The following CNTNAP4 variants were observed in gnomAD, a reference collection of about 807,000 sequenced individuals.
CNTNAP4 encodes contactin associated protein family member 4, also known as contactin-associated protein-like 4.
Under a neutral mutation model 148.4 loss-of-function variants are expected in CNTNAP4, and 98 were observed. The observed-to-expected ratio is 0.66, with a 90% confidence interval of 0.56 to 0.78. The LOEUF is 0.78. Ranked by LOEUF, CNTNAP4 falls within the 30% of genes least tolerant of loss-of-function variation. CNTNAP4 has a pLI of 0.00. For missense variants in CNTNAP4, 1,935 were observed against 1,565.6 expected (o/e 1.24, Z -3.98); for synonymous variants, 730 against 565.1 (o/e 1.29, Z -4.14).
chr16:76,555,877 A>C (rs35031793), intron 23 of CNTNAP4, among the ~76,000 whole-genome samples: 41,427 of 151,886 alleles, frequency 0.27, 5,691 homozygotes, highest in South Asian at 0.34. Flanking sequence ...CAGAGACTAA[A>C]CTTCAGAAGC....
chr16:76,347,281 G>A lies in CNTNAP4; in HGVS notation c.197-8037G>A, dbSNP rs997919301. The stretch of plus-strand genomic sequence containing the variant: ...ACAGTTCCAGCTTTTTCAGTAGGTT[G>A]TATAAATTTAGACCATGTTATACCC... On this transcript the variant is annotated intron_variant, in intron 2 of 23. Coordinates refer to ENST00000611870, the MANE Select transcript of CNTNAP4 (RefSeq NM_033401.5). Among the ~76,000 whole-genome samples, 3 of 151,976 alleles carry A rather than the reference G, an allele frequency of 2.0e-5. No homozygotes were observed. The South Asian group carries it at 6.2e-4, about 32-fold the overall frequency.
chr16:76,418,940 C>T (rs747292126), intron 3 of CNTNAP4, among the ~76,000 whole-genome samples: 1 of 151,908 alleles, frequency 6.6e-6, no homozygotes, highest in Non-Finnish European at 1.5e-5. Flanking sequence ...ATTTCTATTC[C>T]TCCTTTTGAC....
At chr16:76,452,462 G>C (rs1329660871) in intron 7 of CNTNAP4, 46 bp from the exon 8 acceptor site, 1 of 1,589,774 alleles carries the variant, frequency 6.3e-7, no homozygotes, top group Admixed American at 1.7e-5. Flanking sequence ...TTACTAATGT[G>C]ATGTGAATAA....
At chr16:76,470,482 AAT>A (rs67354977) in intron 10 of CNTNAP4, among the ~76,000 whole-genome samples, 9 of 96,996 alleles carry the variant, frequency 9.3e-5, no homozygotes, top group African/African-American at 3.3e-4. Flanking sequence ...CTCTACTAAT[AAT>A]ATATATATAT....
At chr16:76,388,979 G>T (rs1362908457) in intron 3 of CNTNAP4, among the ~76,000 whole-genome samples, 5 of 152,102 alleles carry the variant, frequency 3.3e-5, no homozygotes, top group African/African-American at 1.2e-4. Flanking sequence ...TTTAAAAAAG[G>T]AGAAAAACTT....
At chr16:76,472,368 A>T (rs1233154454) in intron 10 of CNTNAP4, among the ~76,000 whole-genome samples, 2 of 152,102 alleles carry the variant, frequency 1.3e-5, no homozygotes, top group African/African-American at 4.8e-5. Flanking sequence ...AAATTGACTC[A>T]GTTGGTCTTT....
intron 1 of CNTNAP4, among the ~76,000 whole-genome samples, chr16:76,287,420 G>T (rs1203169279): frequency 6.6e-6 from 1 of 152,050 alleles, no homozygotes; most frequent in Non-Finnish European, 1.5e-5. Flanking sequence ...TGATCACATT[G>T]GTTTCTTGGA....
chr16:76,379,365 AATTCTC>A (rs923514710), intron 3 of CNTNAP4, among the ~76,000 whole-genome samples: 1 of 152,096 alleles, frequency 6.6e-6, no homozygotes, highest in Non-Finnish European at 1.5e-5. Flanking sequence ...TTCCTCTACT[AATTCTC>A]ATTCTATTTA....
chr16:76,354,843 C>G (rs537910641), intron 2 of CNTNAP4, among the ~76,000 whole-genome samples: 1 of 152,160 alleles, frequency 6.6e-6, no homozygotes, highest in Non-Finnish European at 1.5e-5. Flanking sequence ...TTTGTTTTCC[C>G]AGACTTAACA....
chr16:76,483,936 G>A (rs1248842112), intron 12 of CNTNAP4, among the ~76,000 whole-genome samples: 3 of 151,608 alleles, frequency 2.0e-5, no homozygotes, highest in African/African-American at 7.3e-5. Flanking sequence ...TGTTTATTAT[G>A]GGCAATAATT....
At chr16:76,418,477 G>C (rs928834587) in intron 3 of CNTNAP4, among the ~76,000 whole-genome samples, 2 of 150,976 alleles carry the variant, frequency 1.3e-5, no homozygotes, top group Middle Eastern at 3.4e-3. Flanking sequence ...TATTGAATCT[G>C]TTGTTGGGCC....
chr16:76,521,296 G>A lies in CNTNAP4; in HGVS notation c.2522G>A (p.Arg841Gln), dbSNP rs370873898. 164 of 1,606,978 alleles carry A rather than the reference G, an allele frequency of 1.0e-4. No individual in the cohort carries two copies. Among genetic ancestry groups the A allele is most frequent in the Non-Finnish European group, 1.3e-4 (154 of 1,177,908 alleles). ...AACTTGGGGATTGCTGATTTTATAC[G>A]GATAGAGCTTCGCTGTAAGTCTCCT... Reference protein sequence around the residue: ...LENLGIADFIRIELRSPTVVT... With the variant: ...LENLGIADFIQIELRSPTVVT... The change falls in exon 16 of 24, where the codon CGG becomes CAG. Residue 841 changes from arginine (R) to glutamine (Q), a missense_variant. Transcript: ENST00000611870.
intron 4 of CNTNAP4, among the ~76,000 whole-genome samples, chr16:76,441,552 G>A (rs899591667): frequency 2.6e-5 from 4 of 152,090 alleles, no homozygotes; most frequent in Admixed American, 1.3e-4. Context: ...CACTGAGGGG[G>A]AATCAGGTCA....
chr16:76,356,858 G>A (rs2012716990), intron 3 of CNTNAP4, among the ~76,000 whole-genome samples: 1 of 152,156 alleles, frequency 6.6e-6, no homozygotes, highest in South Asian at 2.1e-4. Context: ...ACCTTTGTAT[G>A]TTTAAAGCTC....
At chr16:76,524,919 G>C (rs1348384276) in intron 17 of CNTNAP4, among the ~76,000 whole-genome samples, 3 of 151,952 alleles carry the variant, frequency 2.0e-5, no homozygotes, top group African/African-American at 7.2e-5. Flanking sequence ...AGATAACTGT[G>C]AGCAAGCTGA....
chr16:76,475,924 T>A lies in CNTNAP4; in HGVS notation c.1656-15T>A, dbSNP rs2081559903. 1 of 1,589,596 alleles carries A rather than the reference T, an allele frequency of 6.3e-7. No homozygotes were observed. The highest frequency in any genetic ancestry group is 8.6e-7 in the Non-Finnish European group (1 of 1,157,890). On this transcript the variant is annotated splice_polypyrimidine_tract_variant and intron_variant, in intron 10 of 23. Coordinates refer to ENST00000611870, the MANE Select transcript of CNTNAP4 (RefSeq NM_033401.5). The stretch of plus-strand genomic sequence containing the variant: ...AAAAATGGAAACTGGTGATTGTATC[T>A]GCACCTTCTTTTAGGTGTTTGCCCA...
At chr16:76,364,771 G>A (rs1384672941) in intron 3 of CNTNAP4, among the ~76,000 whole-genome samples, 1 of 152,016 alleles carries the variant, frequency 6.6e-6, no homozygotes, top group Non-Finnish European at 1.5e-5. Context: ...ACTTTATTAA[G>A]TATATTTTAA....
In CNTNAP4 at chr16:76,286,356, C is replaced by T. The variant is rs540533122; in HGVS notation, c.85+8609C>T. On this transcript the variant is annotated intron_variant, in intron 1 of 23. Coordinates refer to ENST00000611870, the MANE Select transcript of CNTNAP4 (RefSeq NM_033401.5). ...ATTGCTTCATATTTGCTATCCATAC[C>T]AGAGTAGTCTCCAGTATGCTTTTAA... 2.6e-5 allele frequency among the ~76,000 whole-genome samples: 4 copies of T among 152,126 alleles called. No individual in the cohort carries two copies. The South Asian group carries it at 8.3e-4, about 32-fold the overall frequency.
chr16:76,535,492 C>A (rs1379511059), intron 17 of CNTNAP4, 53 bp from the exon 18 acceptor site: 4 of 1,591,210 alleles, frequency 2.5e-6, no homozygotes, highest in East Asian at 2.2e-5. Context: ...GGTCTTTAAA[C>A]CCTGAATAAA....
Sources: gnomAD v4.1 joint callset for allele counts (sites outside exome capture counted in the v4.1 genomes callset) on GRCh38, gnomAD v4.1.1 for gene constraint, MANE v1.5 for transcripts, NCBI Gene and HGNC (gene_info 2026-07-23, HGNC 2026-07-21) for gene names.